The following ASIP variants were observed in gnomAD, a reference collection of about 807,000 sequenced individuals.
ASIP encodes agouti signaling protein.
In ASIP, 11 loss-of-function variants were observed where a neutral mutation model predicts 10.3. That is an observed-to-expected ratio of 1.07 (90% CI 0.68 to 1.78). The LOEUF (loss-of-function observed/expected upper bound fraction) is 1.78, where lower values mean the gene tolerates loss of function less well. Among genes scored for constraint, ASIP ranks in the 40% most tolerant of loss-of-function variants. ASIP has a pLI of 0.00. For synonymous variants in ASIP, 70 were observed against 70.8 expected, an observed-to-expected ratio of 0.99 and a Z score of 0.06; for missense variants, 180 against 169.2, an observed-to-expected ratio of 1.06 and a Z score of -0.35.
intron 1 of ASIP, among the ~76,000 whole-genome samples, chr20:34,203,950 TC>T (rs2034917848): frequency 6.6e-6 from 1 of 152,118 alleles, no homozygotes; most frequent in Non-Finnish European, 1.5e-5. Flanking sequence ...GGTCTCGAAC[TC>T]CTGACCTCAG....
At chr20:34,244,496 T>C (rs2035337517) in intron 1 of ASIP, among the ~76,000 whole-genome samples, 1 of 152,204 alleles carries the variant, frequency 6.6e-6, no homozygotes, top group African/African-American at 2.4e-5. Context: ...ATTACCAAAA[T>C]GTTTCCAAGT....
chr20:34,225,954 C>T (rs111355570), intron 1 of ASIP, among the ~76,000 whole-genome samples: 104 of 151,658 alleles, frequency 6.9e-4, no homozygotes, highest in Non-Finnish European at 1.4e-3. Context: ...AGTGTAGTGG[C>T]GCAGTCTTGG....
chr20:34,269,294 C>A lies in ASIP; in HGVS notation c.*127C>A. ...GCGGAGGTTCCAGGAGATGGGACTT[C>A]AGGGAGACCTGGCTTGGGCTAAAAT... On this transcript the variant is annotated 3_prime_UTR_variant, in exon 4 of 4. Coordinates refer to ENST00000374954, the MANE Select transcript of ASIP (RefSeq NM_001672.3). 1 of 1,186,550 alleles carries A rather than the reference C, an allele frequency of 8.4e-7. No homozygotes were observed. The allele number at this position is 1,186,550 out of a possible 1,614,324, so 73.5% of individuals were successfully genotyped here.
upstream of ASIP, among the ~76,000 whole-genome samples, chr20:34,191,124 C>T (rs915323628): frequency 6.6e-6 from 1 of 152,158 alleles, no homozygotes; most frequent in African/African-American, 2.4e-5. Flanking sequence ...AGTGTGGAGC[C>T]TGGTGTTAAA....
At chr20:34,200,491 A>G (rs1406707529) in intron 1 of ASIP, among the ~76,000 whole-genome samples, 3 of 152,216 alleles carry the variant, frequency 2.0e-5, no homozygotes, top group African/African-American at 7.2e-5. Context: ...AGTGTCCTAT[A>G]AATAATGTAA....
intron 1 of ASIP, among the ~76,000 whole-genome samples, chr20:34,195,346 T>C (rs2034848620): frequency 6.6e-6 from 1 of 152,174 alleles, no homozygotes; most frequent in African/African-American, 2.4e-5. Flanking sequence ...CCAACTGAGC[T>C]GAGCCCTGAG....
chr20:34,245,837 G>A (rs908877149), intron 1 of ASIP: 11 of 772,672 alleles, frequency 1.4e-5, no homozygotes, highest in Non-Finnish European at 1.6e-5. Context: ...CAGTTTTACT[G>A]TAGAATATAT....
chr20:34,198,650 T>C (rs1015873391), intron 1 of ASIP, among the ~76,000 whole-genome samples: 2 of 151,942 alleles, frequency 1.3e-5, no homozygotes, highest in Non-Finnish European at 2.9e-5. Context: ...CATGCCCAGC[T>C]AATTTTTAAA....
intron 1 of ASIP, among the ~76,000 whole-genome samples, chr20:34,199,682 A>T (rs1477000181): frequency 1.3e-5 from 2 of 152,190 alleles, no homozygotes; most frequent in Non-Finnish European, 1.5e-5. Flanking sequence ...TTATTGACCT[A>T]TAAGAGTTCT....
intron 1 of ASIP, among the ~76,000 whole-genome samples, chr20:34,223,276 T>A (rs555700567): frequency 1.5e-5 from 2 of 129,326 alleles, no homozygotes; most frequent in Non-Finnish European, 1.6e-5. Flanking sequence ...GCCTCTGCCC[T>A]GCCGCCCCGT....
intron 1 of ASIP, among the ~76,000 whole-genome samples, chr20:34,258,153 A>G (rs971366464): frequency 5.3e-5 from 8 of 151,824 alleles, no homozygotes; most frequent in African/African-American, 1.2e-4. Flanking sequence ...TAAAAAAAAA[A>G]AGAGAGAAAG....
intron 1 of ASIP, among the ~76,000 whole-genome samples, chr20:34,207,640 T>C (rs1006748502): frequency 6.6e-6 from 1 of 152,226 alleles, no homozygotes; most frequent in Non-Finnish European, 1.5e-5. Context: ...TGTTTTCTTC[T>C]AGTGGTTTCA....
chr20:34,267,243 A>C (rs2122683179), intron 3 of ASIP, among the ~76,000 whole-genome samples: 1 of 152,218 alleles, frequency 6.6e-6, no homozygotes, highest in East Asian at 1.9e-4. Flanking sequence ...ATAAATTCAG[A>C]TGTTAAAGAG....
intron 1 of ASIP, among the ~76,000 whole-genome samples, chr20:34,211,187 G>T (rs1471019184): frequency 1.3e-5 from 2 of 152,016 alleles, no homozygotes; most frequent in East Asian, 3.9e-4. Context: ...ATGCCACCAT[G>T]CCTGGCTCGA....
rs1215149121 is a variant in ASIP at position 34,235,860 on chromosome 20, GGAAGGAAAGGAA to G, written c.-10-24503_-10-24492del. Among the ~76,000 whole-genome samples the G allele has an allele frequency of 1.9e-4, 6 of 32,102 alleles. No homozygotes were observed. In the East Asian group the frequency reaches 3.7e-3, roughly 20 times the overall value. The allele number at this position is 32,102 out of a possible 152,430, so 21.1% of individuals were successfully genotyped here. A position where few individuals can be genotyped will look rare whatever the true frequency, so the allele number is the denominator to read the frequency against. On this transcript the variant is annotated intron_variant, in intron 1 of 3. Transcript: ENST00000568305. ...AAGAAAGAAGGAAGGAAGGAAGGAA[GGAAGGAAAGGAA>G]GGAAGGAAGGAAGGAAGGAAGGAAG... is the stretch of plus-strand genomic sequence containing the variant.
intron 1 of ASIP, among the ~76,000 whole-genome samples, chr20:34,248,962 A>C (rs1209367020): frequency 7.4e-6 from 1 of 135,378 alleles, no homozygotes; most frequent in Non-Finnish European, 1.6e-5. Context: ...TACCAAAAAT[A>C]CAAAAAAAAA....
intron 1 of ASIP, among the ~76,000 whole-genome samples, chr20:34,208,144 C>A (rs917749772): frequency 5.3e-5 from 8 of 152,058 alleles, no homozygotes; most frequent in Admixed American, 3.9e-4. Context: ...CTATTCTGTT[C>A]CATTGGTCTA....
rs576540127 is a variant in ASIP at position 34,208,126 on chromosome 20, C to T, written c.-11+13366C>T. On this transcript the variant is annotated intron_variant, in intron 1 of 3. Coordinates refer to the ASIP transcript ENST00000568305. ...GACTGTAAATGTATAGATTTGTTTC[C>T]GGGTTTTCTATTCTGTTCCATTGGT... Among the ~76,000 whole-genome samples, 19 of 152,122 alleles carry T rather than the reference C, an allele frequency of 1.2e-4. 1 individual carries two copies. In the East Asian group the frequency reaches 1.4e-3, roughly 11 times the overall value.
chr20:34,252,979 G>T (rs2035503069), intron 1 of ASIP, among the ~76,000 whole-genome samples: 1 of 152,212 alleles, frequency 6.6e-6, no homozygotes, highest in African/African-American at 2.4e-5. Context: ...TGAGCACAGG[G>T]TTGGGACTAA....
Sources: allele counts gnomAD v4.1 joint callset (sites outside exome capture counted in the v4.1 genomes callset), GRCh38; gene constraint gnomAD v4.1.1; transcripts MANE v1.5; gene names NCBI Gene and HGNC (gene_info 2026-07-23, HGNC 2026-07-21).